TMPO: variants seen among roughly 807,000 people sequenced by gnomAD.
The protein encoded by TMPO is thymopoietin, also known as LEM domain containing 4.
Under a neutral mutation model 45.4 loss-of-function variants are expected in TMPO, and 22 were observed. That is an observed-to-expected ratio of 0.48 (90% CI 0.35 to 0.69). The LOEUF is 0.69. Ranked by LOEUF, TMPO falls within the 30% of genes least tolerant of loss-of-function variation. TMPO has a pLI of 0.01. For missense variants in TMPO, 512 were observed against 548.8 expected (o/e 0.93, Z 0.67); for synonymous variants, 241 against 204.1 (o/e 1.18, Z -1.54).
At chr12:98,517,649 T>C (rs1168827220) in intron 1 of TMPO, among the ~76,000 whole-genome samples, 2 of 152,240 alleles carry the variant, frequency 1.3e-5, no homozygotes, top group Non-Finnish European at 1.5e-5. Flanking sequence ...AGTTGAAAGT[T>C]TTACCAAACG....
chr12:98,528,401 T>C (rs897981926), intron 2 of TMPO, among the ~76,000 whole-genome samples: 3 of 151,964 alleles, frequency 2.0e-5, no homozygotes, highest in Admixed American at 2.0e-4. Flanking sequence ...CTCAGCCTCC[T>C]GAGTAGCTGG....
chr12:98,518,689 G>C (rs1876089424), intron 1 of TMPO, among the ~76,000 whole-genome samples: 4 of 151,586 alleles, frequency 2.6e-5, no homozygotes. Flanking sequence ...GTTCTTTTGG[G>C]GGGTAAGAAG....
At chr12:98,539,248 A>G (rs1877764496) in intron 4 of TMPO, among the ~76,000 whole-genome samples, 1 of 151,336 alleles carries the variant, frequency 6.6e-6, no homozygotes. Flanking sequence ...TCTAAGGGAT[A>G]ATTGAGTTGG....
At position 98,515,909 on chromosome 12, in the gene TMPO, C is replaced by G; in HGVS notation, c.42C>G (p.Asp14Glu). ...FLEDPSVLTK[D>E]KLKSELVANN... ...AAGACCCCTCGGTCCTGACAAAAGACAAGTTGAAGAGTGAGTTGGTCGCCA... is the reference window on the plus strand; with the variant it reads ...AAGACCCCTCGGTCCTGACAAAAGAGAAGTTGAAGAGTGAGTTGGTCGCCA... The change falls in exon 1 of 9, where the codon GAC becomes GAG. Residue 14 changes from aspartate (D) to glutamate (E), a missense_variant. Coordinates refer to ENST00000556029, the MANE Select transcript of TMPO (RefSeq NM_001032283.3). The G allele has an allele frequency of 6.2e-7, 1 of 1,613,760 alleles. No individual in the cohort carries two copies. The highest frequency in any genetic ancestry group is 8.5e-7 in the Non-Finnish European group (1 of 1,179,828).
intron 1 of TMPO, among the ~76,000 whole-genome samples, chr12:98,518,907 A>C (rs1182048641): frequency 2.0e-5 from 3 of 150,892 alleles, no homozygotes; most frequent in Non-Finnish European, 3.0e-5. Context: ...TTTTGAGACG[A>C]GTCTTGCTCT....
chr12:98,544,025 T>C (rs936755867), intron 4 of TMPO, among the ~76,000 whole-genome samples: 7 of 152,216 alleles, frequency 4.6e-5, no homozygotes, highest in African/African-American at 1.7e-4. Flanking sequence ...GATTCTTTAG[T>C]GTATTTTAGC....
chr12:98,534,756 C>G, intron 3 of TMPO: 2 of 1,012,610 alleles, frequency 2.0e-6, no homozygotes, highest in Non-Finnish European at 2.4e-6. Context: ...TGATGTTGTT[C>G]TTTTTGATAC....
At chr12:98,527,271 G>C (rs1876835785) in intron 1 of TMPO, among the ~76,000 whole-genome samples, 1 of 148,792 alleles carries the variant, frequency 6.7e-6, no homozygotes, top group African/African-American at 2.5e-5. Context: ...GCCAAGGTGG[G>C]CTGATCACTT....
chr12:98,515,579 G>T, upstream of TMPO: 1 of 467,316 alleles, frequency 2.1e-6, no homozygotes, highest in Non-Finnish European at 3.7e-6. Context: ...GCGCGTTCTT[G>T]GGGCGTGGGC....
rs1031652262 is a variant in TMPO at position 98,520,930 on chromosome 12, G to T, written c.279+4784G>T. Among the ~76,000 whole-genome samples the T allele has an allele frequency of 2.6e-5, 4 of 151,890 alleles. No individual in the cohort carries two copies. The South Asian group carries it at 6.2e-4, about 24-fold the overall frequency. On this transcript the variant is annotated intron_variant, in intron 1 of 8. Transcript: ENST00000556029. ...CTTCTGCATAATGGAGTGGTAAAAA[G>T]GAATAAAAGAATATTTATTTATATT...
At position 98,516,019 on chromosome 12, in the gene TMPO, C is replaced by T. The variant is rs751968708; in HGVS notation, c.152C>T (p.Pro51Leu). Residue 51 changes from proline to leucine, a missense_variant, in exon 1 of 9, where the codon CCG (proline) becomes CTG (leucine). Physicochemically the swap from Pro to Leu is moderately conservative, Grantham distance 98 (BLOSUM62 -3). This residue lies in a region of TMPO where 299 missense variants were observed against 296.7 expected (regional missense o/e 1.01). Transcript: ENST00000556029. ...CAGCACCTCACGGCTCGCAACCGGC[C>T]GCCGCTCCCCGCCGGCACCAACAGC... Reference protein sequence around the residue: ...YLQHLTARNRPPLPAGTNSKG... With the variant: ...YLQHLTARNRLPLPAGTNSKG... 1.1e-5 allele frequency: 18 copies of T among 1,608,636 alleles called. No homozygotes were observed. Among genetic ancestry groups the T allele is most frequent in the Non-Finnish European group, 1.4e-5 (16 of 1,178,610 alleles).
intron 1 of TMPO, 24 bp from the exon 2 acceptor site, chr12:98,527,862 A>C (rs755931635): frequency 1.9e-6 from 3 of 1,612,854 alleles, no homozygotes; most frequent in Non-Finnish European, 2.5e-6. Context: ...TCATATGGAA[A>C]TGATTACTGG....
At chr12:98,523,398 A>G (rs550725804) in intron 1 of TMPO, among the ~76,000 whole-genome samples, 1 of 152,202 alleles carries the variant, frequency 6.6e-6, no homozygotes, top group East Asian at 1.9e-4. Flanking sequence ...TTCTAAAAAT[A>G]CAAAAATTAG....
At chr12:98,518,302 A>T (rs937173133) in intron 1 of TMPO, among the ~76,000 whole-genome samples, 1 of 151,818 alleles carries the variant, frequency 6.6e-6, no homozygotes, top group Non-Finnish European at 1.5e-5. Context: ...ATTACTGGTT[A>T]TTATTTTTAG....
chr12:98,547,572 G>A lies in TMPO; in HGVS notation c.1080-1G>A. The A allele has an allele frequency of 6.2e-7, 1 of 1,614,054 alleles. No homozygotes were observed. Among genetic ancestry groups the A allele is most frequent in the Middle Eastern group, 1.7e-4 (1 of 6,058 alleles). On this transcript the variant is annotated splice_acceptor_variant, in intron 8 of 8. Coordinates refer to ENST00000556029, the MANE Select transcript of TMPO (RefSeq NM_001032283.3). LOFTEE classifies it high-confidence loss of function. ...TCTTTTCCTCCTTTCACTCCCAACA[G>A]TGCTAGTTGCCGCAGACCAATCAAA... is the stretch of plus-strand genomic sequence containing the variant.
intron 4 of TMPO, among the ~76,000 whole-genome samples, chr12:98,538,509 C>G (rs542308247): frequency 6.6e-6 from 1 of 152,068 alleles, no homozygotes; most frequent in African/African-American, 2.4e-5. Context: ...CATGCCACCA[C>G]GCTCAGCTAA....
At chr12:98,541,017 A>G (rs964236601) in intron 4 of TMPO, among the ~76,000 whole-genome samples, 8 of 151,612 alleles carry the variant, frequency 5.3e-5, no homozygotes, top group Admixed American at 4.6e-4. Flanking sequence ...TATGTATTGA[A>G]TTTATGATCA....
chr12:98,545,857 T>C (rs952943425), intron 7 of TMPO, among the ~76,000 whole-genome samples: 1 of 151,966 alleles, frequency 6.6e-6, no homozygotes, highest in Non-Finnish European at 1.5e-5. Context: ...CTCAGCCTCC[T>C]GAGTAGCTGG....
At chr12:98,519,425 C>T (rs1020223344) in intron 1 of TMPO, among the ~76,000 whole-genome samples, 12 of 152,238 alleles carry the variant, frequency 7.9e-5, no homozygotes, top group African/African-American at 2.9e-4. Context: ...TCTGGAACAC[C>T]TGACCTCAGG....
Sources: allele counts gnomAD v4.1 joint callset (sites outside exome capture counted in the v4.1 genomes callset), GRCh38; gene constraint gnomAD v4.1.1; regional missense constraint gnomAD v4.1.1; transcripts MANE v1.5; gene names NCBI Gene and HGNC (gene_info 2026-07-23, HGNC 2026-07-21).